The following CECR2 variants were observed in gnomAD, a reference collection of about 807,000 sequenced individuals.
CECR2 encodes the protein chromatin remodeling regulator CECR2.
CECR2 carries 30 observed loss-of-function variants against 154.5 expected under a neutral mutation model. The ratio of observed to expected loss-of-function variants is 0.19; its 90% CI spans 0.15 to 0.26. The LOEUF is 0.26. CECR2 is among the 10% of genes least tolerant of loss of function. The probability of loss-of-function intolerance (pLI) is 1.00; values close to 1 mark genes in which losing one functional copy is unlikely to be tolerated. For synonymous variants in CECR2, 725 were observed against 683.7 expected (o/e 1.06, Z -0.94); for missense variants, 1,743 against 1,829.3 (o/e 0.95, Z 0.86).
At chr22:17,375,708 C>G (rs1407382350) in intron 1 of CECR2, among the ~76,000 whole-genome samples, 1 of 152,018 alleles carries the variant, frequency 6.6e-6, no homozygotes, top group African/African-American at 2.4e-5. Flanking sequence ...GTAATCCCAG[C>G]ACTTTTGGGA....
chr22:17,477,760 T>A lies in CECR2; in HGVS notation c.221+78T>A. 3 of 1,027,964 alleles carry A rather than the reference T, an allele frequency of 2.9e-6. No individual in the cohort carries two copies. In the East Asian group the frequency reaches 7.1e-5, roughly 24 times the overall value. 63.7% of individuals were successfully genotyped at this position (1,027,964 alleles called of 1,614,324 possible). The stretch of plus-strand genomic sequence containing the variant: ...AACCATAGTGATGTTTCCTGTCTCC[T>A]GTGACAAACCAGAACCGATCATTAG... On this transcript the variant is annotated intron_variant, in intron 2 of 18. Transcript: ENST00000262608.
Position 17,548,757 on chromosome 22 carries a change from AT to A in CECR2, c.3474del (p.Pro1160GlnfsTer23). 1 of 1,613,608 alleles carries A rather than the reference AT, an allele frequency of 6.2e-7. No homozygotes were observed. On this transcript the variant is annotated frameshift_variant, in exon 17 of 19. Transcript: ENST00000262608. LOFTEE classifies it high-confidence loss of function. ...AAGTCCCCAGCATCCCATCCCCAGC[AT>A]TTTCCCCCAAGGGGCTTTCAGTCTA... ...GGKSPASHPQ[H>X]FPPRGFQSNH...
chr22:17,524,086 A>G, intron 8 of CECR2, 32 bp from the exon 9 acceptor site: 1 of 1,515,652 alleles, frequency 6.6e-7, no homozygotes, highest in Non-Finnish European at 9.0e-7. Flanking sequence ...ATGATTGTGT[A>G]CTGACCGGAT....
At chr22:17,466,777 TAG>T (rs2055039983) in intron 1 of CECR2, among the ~76,000 whole-genome samples, 3 of 152,130 alleles carry the variant, frequency 2.0e-5, no homozygotes, top group Non-Finnish European at 4.4e-5. Context: ...GTATTTTTAG[TAG>T]AGACAGGGTT....
rs955556056 is a variant in CECR2 at position 17,524,202 on chromosome 22, A to AAGGAGC, written c.1048_1053dup (p.Glu350_Gln351dup). 3 of 1,609,452 alleles carry AAGGAGC rather than the reference A, an allele frequency of 1.9e-6. No homozygotes were observed. In the African/African-American group the frequency reaches 4.0e-5, roughly 22 times the overall value. ...TCAGATTCTTCTAGCAGTGCAGAAGAAGGAGCAGGAGCAGATGCTAAAGGA... is the reference window on the plus strand; with the variant it reads ...TCAGATTCTTCTAGCAGTGCAGAAGAAGGAGCAGGAGCAGGAGCAGATGCTAAAGGA... On this transcript the variant is annotated inframe_insertion, in exon 9 of 19. Transcript: ENST00000262608.
At position 17,510,115 on chromosome 22, in the gene CECR2, C is replaced by T. The variant is rs150180484; in HGVS notation, c.871-1698C>T. On this transcript the variant is annotated intron_variant, in intron 7 of 18. Coordinates refer to ENST00000262608, the MANE Select transcript of CECR2 (RefSeq NM_001290047.2). ...TAAGGGTATAGATGGTTTACAGATG[C>T]GGCGATGGGAAAGTGCGTAGGGAAA... Among the ~76,000 whole-genome samples the T allele has an allele frequency of 3.6e-3, 545 of 152,222 alleles. 1 individual carries two copies. The highest frequency in any genetic ancestry group is 5.2e-3 in the Non-Finnish European group (353 of 68,014).
chr22:17,417,817 C>T (rs2054178229), intron 1 of CECR2, among the ~76,000 whole-genome samples: 2 of 152,034 alleles, frequency 1.3e-5, no homozygotes, highest in Admixed American at 6.6e-5. Flanking sequence ...GACAGGATTT[C>T]ACCATGTTGG....
At chr22:17,532,152 G>A (rs1375043265) in intron 9 of CECR2, among the ~76,000 whole-genome samples, 4 of 152,172 alleles carry the variant, frequency 2.6e-5, no homozygotes, top group African/African-American at 9.7e-5. Context: ...CTGGGCAACA[G>A]CAAGACCCTG....
chr22:17,433,107 A>G (rs2054452166), intron 1 of CECR2, among the ~76,000 whole-genome samples: 1 of 152,188 alleles, frequency 6.6e-6, no homozygotes, highest in South Asian at 2.1e-4. Flanking sequence ...TATCGCTTAT[A>G]TCGTTGGCAA....
chr22:17,480,105 G>T (rs577541652), intron 2 of CECR2, among the ~76,000 whole-genome samples: 33 of 152,132 alleles, frequency 2.2e-4, no homozygotes, highest in African/African-American at 7.2e-4. Context: ...CCCTGTATCT[G>T]TCTTTAATTT....
At chr22:17,372,565 G>A (rs1201962145) in intron 1 of CECR2, among the ~76,000 whole-genome samples, 1 of 152,140 alleles carries the variant, frequency 6.6e-6, no homozygotes, top group Non-Finnish European at 1.5e-5. Context: ...TACATCCGTA[G>A]GCTGAGGCAG....
chr22:17,391,554 G>A (rs776620604), intron 1 of CECR2, among the ~76,000 whole-genome samples: 1 of 152,186 alleles, frequency 6.6e-6, no homozygotes, highest in Non-Finnish European at 1.5e-5. Context: ...GGTGAGGTTC[G>A]AATGAGCCAA....
At chr22:17,535,178 C>T (rs1285706204) in intron 9 of CECR2, among the ~76,000 whole-genome samples, 1 of 151,736 alleles carries the variant, frequency 6.6e-6, no homozygotes, top group Admixed American at 6.6e-5. Flanking sequence ...ATTAGCCAGG[C>T]GTGGTGACAG....
chr22:17,454,739 C>G (rs2054827998), intron 1 of CECR2, among the ~76,000 whole-genome samples: 1 of 152,132 alleles, frequency 6.6e-6, no homozygotes, highest in African/African-American at 2.4e-5. Context: ...AAGCCTAGGC[C>G]TTGTTATTTA....
At position 17,493,961 on chromosome 22, in the gene CECR2, G is replaced by T. The variant is rs572772870; in HGVS notation, c.222-3442G>T. 7.0e-4 allele frequency among the ~76,000 whole-genome samples: 107 copies of T among 152,336 alleles called. 1 individual carries two copies. The highest frequency in any genetic ancestry group is 2.5e-3 in the African/African-American group (105 of 41,580). ...CAGGAAAAAACAGACTTTAGTGTTTGTGGAACTTGGTGTACATTAGAAATT... is the reference window on the plus strand; with the variant it reads ...CAGGAAAAAACAGACTTTAGTGTTTTTGGAACTTGGTGTACATTAGAAATT... On this transcript the variant is annotated intron_variant, in intron 2 of 18. Transcript: ENST00000262608.
chr22:17,474,636 A>T (rs2055179931), intron 1 of CECR2, among the ~76,000 whole-genome samples: 1 of 152,262 alleles, frequency 6.6e-6, no homozygotes, highest in Non-Finnish European at 1.5e-5. Context: ...GCCATGATAA[A>T]GGCGGAAGCC....
chr22:17,400,291 AAGAAG>A (rs1280341839), intron 1 of CECR2, among the ~76,000 whole-genome samples: 1 of 152,216 alleles, frequency 6.6e-6, no homozygotes, highest in African/African-American at 2.4e-5. Context: ...GAAGTGACTG[AAGAAG>A]AGGAGTTTGT....
chr22:17,472,097 G>T (rs955216507), intron 1 of CECR2, among the ~76,000 whole-genome samples: 5 of 152,180 alleles, frequency 3.3e-5, no homozygotes, highest in Admixed American at 3.3e-4. Context: ...TGAGAGGAAT[G>T]ACATGGTTCC....
chr22:17,498,222 C>G (rs904214022), intron 3 of CECR2, among the ~76,000 whole-genome samples: 21 of 152,038 alleles, frequency 1.4e-4, no homozygotes, highest in African/African-American at 4.6e-4. Context: ...AATCCCGTCT[C>G]CACTAAAAGT....
Sources: gnomAD v4.1 joint callset for allele counts (sites outside exome capture counted in the v4.1 genomes callset) on GRCh38, gnomAD v4.1.1 for gene constraint, MANE v1.5 for transcripts, NCBI Gene and HGNC (gene_info 2026-07-23, HGNC 2026-07-21) for gene names.